The following ODF2 variants were observed in gnomAD, a reference collection of about 807,000 sequenced individuals.
ODF2 encodes outer dense fiber of sperm tails 2.
Under a neutral mutation model 110.2 loss-of-function variants are expected in ODF2, and 47 were observed. That is an observed-to-expected ratio of 0.43 (90% CI 0.34 to 0.54). The LOEUF (loss-of-function observed/expected upper bound fraction) is 0.54. Among genes scored for constraint, ODF2 ranks in the 20% least tolerant of loss-of-function variants. The probability of loss-of-function intolerance (pLI) is 0.03; values close to 1 mark genes in which losing one functional copy is unlikely to be tolerated. For synonymous variants in ODF2, 352 were observed against 397.7 expected (o/e 0.89, Z 1.37); for missense variants, 812 against 1,054.5 (o/e 0.77, Z 3.19).
At position 128,485,219 on chromosome 9, in the gene ODF2, G is replaced by C. The variant is rs1271728126; in HGVS notation, c.1291-146G>C. 1 of 615,488 alleles carries C rather than the reference G, an allele frequency of 1.6e-6. No homozygotes were observed. The highest frequency in any genetic ancestry group is 2.9e-6 in the Non-Finnish European group (1 of 343,388). The allele number at this position is 615,488 out of a possible 1,614,324, so 38.1% of individuals were successfully genotyped here. On this transcript the variant is annotated intron_variant, in intron 12 of 20. Coordinates refer to ENST00000604420, the Ensembl canonical transcript of ODF2. This position sits in a 1 kb window ranked among gnomAD's most constrained non-coding sequence, Gnocchi z 5.0. ...GAGCACTAGCTGGGCTCCCACTGTT[G>C]CTTCCAGCGCCCTCTAGAAAGGTGA...
At chr9:128,484,201 A>G in intron 11 of ODF2, 147 bp downstream of exon 11, 3 of 643,206 alleles carry the variant, frequency 4.7e-6, no homozygotes, top group Non-Finnish European at 8.2e-6. Flanking sequence ...CCTCAGAGAC[A>G]TTCCAGGACA....
intron 8 of ODF2, among the ~76,000 whole-genome samples, chr9:128,474,080 T>C (rs1378777082): frequency 6.6e-6 from 1 of 152,140 alleles, no homozygotes; most frequent in Admixed American, 6.6e-5. Context: ...CAGACACAAA[T>C]CGTGTGGTCT....
intron 4 of ODF2, among the ~76,000 whole-genome samples, chr9:128,462,281 G>A (rs1234010041): frequency 6.6e-6 from 1 of 151,908 alleles, no homozygotes; most frequent in Middle Eastern, 3.4e-3. Context: ...CTGCTGAGTA[G>A]CTAGGATTAC....
chr9:128,473,736 A>G lies in ODF2; in HGVS notation c.838A>G (p.Lys280Glu), dbSNP rs756133393. The change falls in exon 8 of 21, where the codon AAA (lysine) becomes GAA (glutamate). Residue 280 changes from lysine to glutamate, a missense_variant. Lys to Glu is a moderately conservative substitution (Grantham distance 56). Transcript: ENST00000604420. ...AGACCTCCTGAGGGAACAGCACTGC[A>G]AAGAGGTGAGCTTGGGGCCTGGCTC... 10 of 1,612,768 alleles carry G rather than the reference A, an allele frequency of 6.2e-6. No homozygotes were observed. The South Asian group carries it at 1.1e-4, about 18-fold the overall frequency.
chr9:128,456,370 C>T, intron 1 of ODF2, 115 bp downstream of exon 1: 2 of 1,429,832 alleles, frequency 1.4e-6, no homozygotes, highest in Non-Finnish European at 1.8e-6. Context: ...CCTGGGTTCC[C>T]CGCCGCGTTG....
At chr9:128,472,293 C>T (rs1006138949) in intron 6 of ODF2, among the ~76,000 whole-genome samples, 32 of 152,092 alleles carry the variant, frequency 2.1e-4, no homozygotes, top group Admixed American at 7.9e-4. Flanking sequence ...CTGCAATGTC[C>T]GCCTCCTTGA....
intron 3 of ODF2, among the ~76,000 whole-genome samples, 169 bp downstream of exon 2, chr9:128,459,826 G>T (rs1468653444): frequency 6.6e-6 from 1 of 151,954 alleles, no homozygotes; most frequent in Non-Finnish European, 1.5e-5. Flanking sequence ...CATCATTTTT[G>T]CCTGTGGTGA....
chr9:128,491,952 C>T (rs1213856849), intron 14 of ODF2, among the ~76,000 whole-genome samples: 2 of 151,060 alleles, frequency 1.3e-5, no homozygotes, highest in South Asian at 2.1e-4. Context: ...CTGCAAGCTC[C>T]GCTTTCGGGT....
chr9:128,494,682 A>G lies in ODF2; in HGVS notation c.1911+14A>G. The G allele has an allele frequency of 6.2e-7, 1 of 1,614,232 alleles. No homozygotes were observed. Among genetic ancestry groups the G allele is most frequent in the Non-Finnish European group, 8.5e-7 (1 of 1,180,046 alleles). The stretch of plus-strand genomic sequence containing the variant: ...CTGCGCAGCCGGGTAAGGGACTGGC[A>G]GAAAGGGTCCCACGAACTGACCCGA... On this transcript the variant is annotated intron_variant, in intron 17 of 20. Coordinates refer to ENST00000604420, the Ensembl canonical transcript of ODF2. This position sits in a 1 kb window ranked among gnomAD's most constrained non-coding sequence, Gnocchi z 4.6.
chr9:128,496,005 T>G, intron 17 of ODF2, 36 bp from the exon 18 acceptor site: 1 of 1,611,880 alleles, frequency 6.2e-7, no homozygotes, highest in Middle Eastern at 1.7e-4. Context: ...AGCGGGAAAT[T>G]CCTTTGTAAA....
chr9:128,466,953 G>A (rs1443965632), intron 4 of ODF2, among the ~76,000 whole-genome samples: 3 of 112,568 alleles, frequency 2.7e-5, no homozygotes, highest in African/African-American at 3.4e-5. Flanking sequence ...CTCCAGCCTG[G>A]GTGACAGAGC....
At chr9:128,484,967 T>A in intron 12 of ODF2, 81 bp downstream of exon 12, 1 of 1,381,210 alleles carries the variant, frequency 7.2e-7, no homozygotes, top group Non-Finnish European at 1.0e-6. Flanking sequence ...GCCAGATGGG[T>A]AGCGGGGAGG....
chr9:128,457,282 C>A, exon 2 of ODF2: 1 of 1,603,952 alleles, frequency 6.2e-7, no homozygotes, highest in Non-Finnish European at 8.5e-7. Flanking sequence ...CACCCTTCTC[C>A]CCTCAGAGAG....
Position 128,465,803 on chromosome 9 carries a change from A to C in ODF2, c.250-3380A>C, listed in dbSNP as rs1837703428. Among the ~76,000 whole-genome samples, 3 of 152,156 alleles carry C rather than the reference A, an allele frequency of 2.0e-5. No homozygotes were observed. The South Asian group carries it at 6.2e-4, about 32-fold the overall frequency. ...AATTTGAAAATACAGAAAAATAATCAGCTACTCAATTCTGGCTGCTATTAA... is the reference window on the plus strand; with the variant it reads ...AATTTGAAAATACAGAAAAATAATCCGCTACTCAATTCTGGCTGCTATTAA... On this transcript the variant is annotated intron_variant, in intron 4 of 20. Transcript: ENST00000604420.
At chr9:128,484,600 C>A in intron 11 of ODF2, 101 bp from the exon 12 acceptor site, 2 of 1,273,674 alleles carry the variant, frequency 1.6e-6, no homozygotes, top group Non-Finnish European at 1.1e-6. Flanking sequence ...TTCCTCTTTG[C>A]TCTTGCCTTT....
chr9:128,497,483 A>ATATATATATG (rs1845856323), intron 18 of ODF2: 2 of 117,858 alleles, frequency 1.7e-5, no homozygotes, highest in East Asian at 2.5e-4. Flanking sequence ...ATATATATAT[A>ATATATATATG]TATGTATAAA....
exon 5 of ODF2, chr9:128,469,255 C>T: frequency 1.2e-6 from 2 of 1,614,104 alleles, no homozygotes; most frequent in South Asian, 1.1e-5. Flanking sequence ...GTTAAGTGAC[C>T]TCTCTACAGA....
intron 3 of ODF2, 70 bp downstream of exon 3, chr9:128,460,736 G>T (rs933857463): frequency 6.3e-7 from 1 of 1,584,650 alleles, no homozygotes; most frequent in Non-Finnish European, 8.6e-7. Flanking sequence ...CAGCCTCCTC[G>T]CACTCTGACT....
At chr9:128,463,376 T>A (rs1837008608) in intron 4 of ODF2, among the ~76,000 whole-genome samples, 1 of 152,160 alleles carries the variant, frequency 6.6e-6, no homozygotes, top group Non-Finnish European at 1.5e-5. Flanking sequence ...CCCAGCACTT[T>A]GGGAGGCCAA....
Sources: gnomAD v4.1 joint callset for allele counts (sites outside exome capture counted in the v4.1 genomes callset) on GRCh38, gnomAD v4.1.1 for gene constraint, Gnocchi (gnomAD v3.1) non-coding constraint, MANE v1.5 for transcripts, NCBI Gene and HGNC (gene_info 2026-07-23, HGNC 2026-07-21) for gene names.